Variants in SND1 observed in about 807,000 individuals in gnomAD.
The protein encoded by SND1 is staphylococcal nuclease domain-containing protein 1.
Under a neutral mutation model 121.7 loss-of-function variants are expected in SND1, and 38 were observed. The observed-to-expected ratio is 0.31, with a 90% CI of 0.24 to 0.41. The LOEUF (loss-of-function observed/expected upper bound fraction) is 0.41, where lower values mean the gene tolerates loss of function less well. Ranked by LOEUF, SND1 falls within the 10% of genes least tolerant of loss-of-function variation. The probability of loss-of-function intolerance (pLI) is 1.00; values close to 1 mark genes in which losing one functional copy is unlikely to be tolerated. For missense variants in SND1, 868 were observed against 1,184.6 expected (o/e 0.73, Z 3.92); for synonymous variants, 401 against 447.4 (o/e 0.90, Z 1.31).
intron 12 of SND1, among the ~76,000 whole-genome samples, chr7:127,871,821 T>C (rs752858358): frequency 2.0e-5 from 3 of 152,102 alleles, no homozygotes; most frequent in Non-Finnish European, 4.4e-5. Context: ...TATTAATAAG[T>C]AGATCCTAGT....
intron 10 of SND1, among the ~76,000 whole-genome samples, chr7:127,794,048 A>G (rs956725508): frequency 1.3e-5 from 2 of 152,182 alleles, no homozygotes; most frequent in African/African-American, 2.4e-5. Context: ...GTATTTCTCC[A>G]TGATAGTAGT....
intron 22 of SND1, among the ~76,000 whole-genome samples, chr7:128,090,698 CCT>C (rs1230047453): frequency 6.6e-6 from 1 of 152,186 alleles, no homozygotes; most frequent in Non-Finnish European, 1.5e-5. Context: ...CCTGGCCTTT[CCT>C]CTCTCCCCAC....
At chr7:128,048,237 C>T (rs1792985204) in intron 16 of SND1, among the ~76,000 whole-genome samples, 1 of 151,748 alleles carries the variant, frequency 6.6e-6, no homozygotes, top group African/African-American at 2.4e-5. Context: ...TTCCAGGCTC[C>T]GAATTGGAAC....
chr7:127,882,987 G>C (rs1408950891), intron 12 of SND1, among the ~76,000 whole-genome samples: 3 of 152,114 alleles, frequency 2.0e-5, no homozygotes, highest in Non-Finnish European at 4.4e-5. Context: ...AACAAAAAGA[G>C]AATTAGTGCT....
chr7:128,091,008 C>T (rs1019464802), intron 22 of SND1, among the ~76,000 whole-genome samples: 15 of 152,324 alleles, frequency 9.8e-5, no homozygotes, highest in Non-Finnish European at 1.9e-4. Flanking sequence ...TTTATTCATT[C>T]TATCAGCAGA....
intron 14 of SND1, among the ~76,000 whole-genome samples, chr7:127,908,357 T>TGTGTGTGC (rs1356003756): frequency 2.8e-5 from 4 of 142,266 alleles, no homozygotes; most frequent in African/African-American, 8.1e-5. Flanking sequence ...TGTGTGTGTG[T>TGTGTGTGC]GTGCGTGCGT....
At chr7:128,043,419 C>T (rs1251598228) in intron 16 of SND1, among the ~76,000 whole-genome samples, 1 of 151,906 alleles carries the variant, frequency 6.6e-6, no homozygotes, top group Non-Finnish European at 1.5e-5. Context: ...ACTAAAAATA[C>T]AAAAATTAGC....
At chr7:127,908,349 TGTGTGTGTGTGC>T (rs1241246315) in intron 14 of SND1, among the ~76,000 whole-genome samples, 6 of 134,218 alleles carry the variant, frequency 4.5e-5, no homozygotes, top group African/African-American at 1.5e-4. Flanking sequence ...TGTGTGTGTG[TGTGTGTGTGTGC>T]GTGCGTGTTG....
At chr7:127,972,221 G>GT (rs1802008652) in intron 15 of SND1, among the ~76,000 whole-genome samples, 1 of 152,076 alleles carries the variant, frequency 6.6e-6, no homozygotes, top group East Asian at 1.9e-4. Flanking sequence ...TCATAGATTA[G>GT]TTTTGTCTAG....
intron 15 of SND1, among the ~76,000 whole-genome samples, chr7:127,936,744 A>G (rs896364692): frequency 1.3e-5 from 2 of 152,070 alleles, no homozygotes; most frequent in South Asian, 2.1e-4. Context: ...CAGGGTCTCA[A>G]CTGTGTTGCC....
chr7:127,665,482 C>T (rs973595931), intron 1 of SND1, among the ~76,000 whole-genome samples: 2 of 152,064 alleles, frequency 1.3e-5, no homozygotes, highest in African/African-American at 2.4e-5. Context: ...ACACCGCGCC[C>T]GGCCGACAGT....
Position 127,701,280 on chromosome 7 carries a change from C to T in SND1, c.546C>T (p.Asn182=). The change falls in exon 5 of 24, where the codon AAC becomes AAT. Residue 182 remains asparagine (N), a synonymous_variant. Transcript: ENST00000354725. ...GGGATCTCAAGTATACCATTGAAAA[C>T]CCAAGGCACTTTGTGGACTCACACC... ...TIRDLKYTIE[N]PRHFVDSHHQ... The T allele has an allele frequency of 6.2e-7, 1 of 1,614,024 alleles. No individual in the cohort carries two copies. Among genetic ancestry groups the T allele is most frequent in the South Asian group, 1.1e-5 (1 of 91,064 alleles).
intron 14 of SND1, among the ~76,000 whole-genome samples, chr7:127,922,890 G>A (rs1800748477): frequency 6.6e-6 from 1 of 152,212 alleles, no homozygotes; most frequent in Admixed American, 6.5e-5. Context: ...CAGAGCCTGG[G>A]CTGCGGTTTC....
intron 18 of SND1, 128 bp downstream of exon 18, chr7:128,081,629 G>A (rs892644683): frequency 2.9e-6 from 3 of 1,047,106 alleles, no homozygotes; most frequent in Admixed American, 2.2e-5. Flanking sequence ...CCCCTGAAGA[G>A]CTCACGTTGC....
At chr7:127,828,286 T>G (rs1798679262) in intron 11 of SND1, among the ~76,000 whole-genome samples, 1 of 152,152 alleles carries the variant, frequency 6.6e-6, no homozygotes, top group Admixed American at 6.5e-5. Context: ...TGTGAGCCAC[T>G]GCGCCCAGCC....
chr7:127,894,272 A>G (rs1800073798), intron 13 of SND1, among the ~76,000 whole-genome samples: 1 of 152,008 alleles, frequency 6.6e-6, no homozygotes, highest in African/African-American at 2.4e-5. Flanking sequence ...TGGGAAGGAA[A>G]TGCTCTTGGT....
At chr7:127,814,182 G>A (rs1798385746) in intron 11 of SND1, among the ~76,000 whole-genome samples, 2 of 152,104 alleles carry the variant, frequency 1.3e-5, no homozygotes, top group Admixed American at 1.3e-4. Flanking sequence ...GATCTTTTCA[G>A]CTGGGTTTCT....
At chr7:127,706,251 C>G (rs1261808436) in intron 8 of SND1, among the ~76,000 whole-genome samples, 3 of 58,404 alleles carry the variant, frequency 5.1e-5, no homozygotes, top group Middle Eastern at 0.019. Flanking sequence ...CTTGCCCCCC[C>G]TCCCCCCCCC....
chr7:127,913,008 A>G (rs1800491534), intron 14 of SND1, among the ~76,000 whole-genome samples: 1 of 152,222 alleles, frequency 6.6e-6, no homozygotes, highest in African/African-American at 2.4e-5. Context: ...TTCAGGCACC[A>G]GAGCAGATAA....
Sources: gnomAD v4.1 joint callset for allele counts (sites outside exome capture counted in the v4.1 genomes callset) on GRCh38, gnomAD v4.1.1 for gene constraint, MANE v1.5 for transcripts, NCBI Gene and HGNC (gene_info 2026-07-23, HGNC 2026-07-21) for gene names.